The following TTBK2 variants were observed in gnomAD, a reference collection of about 807,000 sequenced individuals.
TTBK2 encodes the protein tau tubulin kinase 2.
TTBK2 carries 28 observed loss-of-function variants against 110.8 expected under a neutral mutation model. The observed-to-expected ratio is 0.25, with a 90% CI of 0.19 to 0.35. The LOEUF (loss-of-function observed/expected upper bound fraction) is 0.35. Ranked by LOEUF, TTBK2 falls within the 10% of genes least tolerant of loss-of-function variation. TTBK2 has a pLI of 1.00. For synonymous variants in TTBK2, 532 were observed against 527.3 expected, an observed-to-expected ratio of 1.01 and a Z score of -0.12; for missense variants, 1,369 against 1,500.3, an observed-to-expected ratio of 0.91 and a Z score of 1.45.
intron 3 of TTBK2, among the ~76,000 whole-genome samples, chr15:42,853,066 C>G (rs1355774225): frequency 6.6e-6 from 1 of 152,112 alleles, no homozygotes; most frequent in Non-Finnish European, 1.5e-5. Flanking sequence ...ATTCTTATGA[C>G]TGGGAAAAAG....
chr15:42,903,525 TCTCA>T lies in TTBK2; in HGVS notation c.-68+16909_-68+16912del, dbSNP rs541100460. On this transcript the variant is annotated intron_variant, in intron 1 of 14. Coordinates refer to ENST00000267890, the MANE Select transcript of TTBK2 (RefSeq NM_173500.4). ...TATAAAAGCCAAATAATTTTCACTATCTCACTCTAAATTACCAGTGGAAAAATCA... is the reference window on the plus strand; with the variant it reads ...TATAAAAGCCAAATAATTTTCACTATCTCTAAATTACCAGTGGAAAAATCA... Among the ~76,000 whole-genome samples the T allele has an allele frequency of 2.0e-5, 3 of 152,316 alleles. No homozygotes were observed. In the South Asian group the frequency reaches 6.2e-4, roughly 32 times the overall value.
chr15:42,885,963 T>C (rs1895227465), intron 1 of TTBK2, among the ~76,000 whole-genome samples: 2 of 152,212 alleles, frequency 1.3e-5, no homozygotes, highest in South Asian at 4.1e-4. Context: ...GATTTGTCTA[T>C]CCTGCAAGAT....
Position 42,815,931 on chromosome 15 carries a change from A to T in TTBK2, c.603+1101T>A, listed in dbSNP as rs1326814487. 3.4e-3 allele frequency among the ~76,000 whole-genome samples: 172 copies of T among 50,514 alleles called. 2 individuals carry two copies. Among genetic ancestry groups the T allele is most frequent in the South Asian group, 6.7e-3 (7 of 1,038 alleles). 33.1% of individuals were successfully genotyped at this position (50,514 alleles called of 152,430 possible). On this transcript the variant is annotated intron_variant, in intron 7 of 14. Coordinates refer to ENST00000267890, the MANE Select transcript of TTBK2 (RefSeq NM_173500.4). ...ATTTAAAAATATATATATATTTAAA[A>T]ATATATATATATATATTTAAAAAAA...
chr15:42,875,953 C>T (rs1207563932), intron 2 of TTBK2, among the ~76,000 whole-genome samples: 7 of 147,672 alleles, frequency 4.7e-5, no homozygotes, highest in Non-Finnish European at 1.0e-4. Context: ...TGAGAAGCCA[C>T]AGCCACATGG....
At chr15:42,747,845 T>A (rs1180331700) in intron 14 of TTBK2, among the ~76,000 whole-genome samples, 2 of 152,170 alleles carry the variant, frequency 1.3e-5, no homozygotes, top group Non-Finnish European at 2.9e-5. Flanking sequence ...AAGATCCCCA[T>A]GTTTCTATGG....
At chr15:42,825,742 T>C (rs1221687557) in intron 6 of TTBK2, among the ~76,000 whole-genome samples, 3 of 152,042 alleles carry the variant, frequency 2.0e-5, no homozygotes, top group Non-Finnish European at 4.4e-5. Flanking sequence ...TAAAATAAAA[T>C]TCAGTTCCTC....
chr15:42,801,017 G>C (rs765790629), intron 9 of TTBK2: 1 of 764,944 alleles, frequency 1.3e-6, no homozygotes, highest in South Asian at 1.3e-5. Context: ...CACGGGTTTC[G>C]ATCTTCTTCA....
intron 14 of TTBK2, among the ~76,000 whole-genome samples, chr15:42,751,259 A>G (rs1395218742): frequency 6.6e-6 from 1 of 152,256 alleles, no homozygotes; most frequent in Non-Finnish European, 1.5e-5. Context: ...CACAATGTAT[A>G]AAGATGTAAT....
At chr15:42,755,222 GTC>G (rs1330480543) in intron 13 of TTBK2, among the ~76,000 whole-genome samples, 4 of 152,088 alleles carry the variant, frequency 2.6e-5, no homozygotes, top group African/African-American at 9.7e-5. Flanking sequence ...AAGAAAAACA[GTC>G]TTTTTGAGAA....
chr15:42,856,488 A>C (rs550778503), intron 3 of TTBK2, among the ~76,000 whole-genome samples: 29 of 152,242 alleles, frequency 1.9e-4, no homozygotes, highest in Non-Finnish European at 2.5e-4. Flanking sequence ...ATTTGAACAA[A>C]GCCACCTGTA....
intron 3 of TTBK2, among the ~76,000 whole-genome samples, chr15:42,872,310 G>A (rs780336048): frequency 1.8e-4 from 27 of 152,018 alleles, no homozygotes; most frequent in Non-Finnish European, 3.1e-4. Flanking sequence ...AAAAAGAAAG[G>A]CAAATAGCAG....
At chr15:42,836,082 G>A (rs937410260) in intron 4 of TTBK2, among the ~76,000 whole-genome samples, 1 of 152,052 alleles carries the variant, frequency 6.6e-6, no homozygotes, top group African/African-American at 2.4e-5. Flanking sequence ...TTATACTAAA[G>A]ATGCTCATAT....
At chr15:42,845,633 CAAAAAAAAAAA>C (rs894783459) in intron 3 of TTBK2, among the ~76,000 whole-genome samples, 28 of 15,280 alleles carry the variant, frequency 1.8e-3, no homozygotes, top group African/African-American at 3.6e-3. Flanking sequence ...GGCTGCATCT[CAAAAAAAAAAA>C]AAAAAAAAAA....
At chr15:42,750,473 A>G (rs574131309) in intron 14 of TTBK2, among the ~76,000 whole-genome samples, 1 of 152,156 alleles carries the variant, frequency 6.6e-6, no homozygotes, top group Non-Finnish European at 1.5e-5. Flanking sequence ...AAAATAAAAA[A>G]TTCACTAGAT....
chr15:42,797,569 C>G (rs1890998007), intron 9 of TTBK2, among the ~76,000 whole-genome samples: 1 of 152,208 alleles, frequency 6.6e-6, no homozygotes, highest in Admixed American at 6.5e-5. Flanking sequence ...AAATAATTTT[C>G]TAATTCGGGA....
chr15:42,754,496 C>T (rs909200724), intron 13 of TTBK2, among the ~76,000 whole-genome samples: 2 of 150,838 alleles, frequency 1.3e-5, no homozygotes, highest in Non-Finnish European at 3.0e-5. Context: ...CCTGGGTTTA[C>T]GTGATTCTCC....
chr15:42,822,590 C>T (rs998917357), intron 6 of TTBK2, among the ~76,000 whole-genome samples: 4 of 151,178 alleles, frequency 2.6e-5, no homozygotes, highest in African/African-American at 9.7e-5. Flanking sequence ...TGCAGCAGAC[C>T]ATGAGAGAAA....
chr15:42,791,584 G>A (rs182766073), intron 10 of TTBK2, among the ~76,000 whole-genome samples: 2 of 151,700 alleles, frequency 1.3e-5, no homozygotes, highest in Non-Finnish European at 2.9e-5. Flanking sequence ...TCAATTATGA[G>A]ATAATTTTGT....
At chr15:42,914,430 A>T (rs948870394) in intron 1 of TTBK2, among the ~76,000 whole-genome samples, 3 of 152,074 alleles carry the variant, frequency 2.0e-5, no homozygotes, top group Non-Finnish European at 4.4e-5. Flanking sequence ...TACTTGGAAC[A>T]CCTCTTTCTT....
Sources: gnomAD v4.1 joint callset for allele counts (sites outside exome capture counted in the v4.1 genomes callset) on GRCh38, gnomAD v4.1.1 for gene constraint, MANE v1.5 for transcripts, NCBI Gene and HGNC (gene_info 2026-07-23, HGNC 2026-07-21) for gene names.